Variants in CADPS2 observed in about 807,000 individuals in gnomAD.
The protein encoded by CADPS2 is calcium dependent secretion activator 2.
CADPS2 carries 93 observed loss-of-function variants against 172.5 expected under a neutral mutation model. The ratio of observed to expected loss-of-function variants is 0.54; its 90% CI spans 0.46 to 0.64. The LOEUF (loss-of-function observed/expected upper bound fraction) is 0.64, where lower values mean the gene tolerates loss of function less well. CADPS2 is among the 30% of genes least tolerant of loss of function. The pLI is 0.00. For missense variants in CADPS2, 1,420 were observed against 1,565.9 expected (o/e 0.91, Z 1.57); for synonymous variants, 546 against 555.2 (o/e 0.98, Z 0.23).
At chr7:122,660,607 A>G (rs1212497450) in intron 3 of CADPS2, among the ~76,000 whole-genome samples, 48 of 17,564 alleles carry the variant, frequency 2.7e-3, no homozygotes, top group South Asian at 8.4e-3. Flanking sequence ...GTCTGGATTT[A>G]AAAAAAAAAA....
chr7:122,645,975 A>G (rs1016120648), intron 3 of CADPS2, among the ~76,000 whole-genome samples: 2 of 151,872 alleles, frequency 1.3e-5, no homozygotes, highest in Non-Finnish European at 2.9e-5. Flanking sequence ...TCTCAATAAA[A>G]TAGTTGAATC....
At chr7:122,515,806 T>A (rs2060318369) in intron 8 of CADPS2, among the ~76,000 whole-genome samples, 2 of 150,212 alleles carry the variant, frequency 1.3e-5, no homozygotes, top group Admixed American at 1.3e-4. Flanking sequence ...ACCCTAAAAC[T>A]TAAAAGTATA....
At chr7:122,437,616 A>G (rs1345728317) in intron 17 of CADPS2, among the ~76,000 whole-genome samples, 1 of 152,048 alleles carries the variant, frequency 6.6e-6, no homozygotes, top group Admixed American at 6.6e-5. Flanking sequence ...TCCTGCATGT[A>G]TTATTATGAA....
intron 2 of CADPS2, among the ~76,000 whole-genome samples, chr7:122,703,390 C>G (rs537829732): frequency 6.6e-6 from 1 of 152,106 alleles, no homozygotes; most frequent in African/African-American, 2.4e-5. Flanking sequence ...TCAACACTAC[C>G]CAGTATGGCA....
chr7:122,321,007 GA>G (rs1192750393), intron 29 of CADPS2, among the ~76,000 whole-genome samples: 3 of 152,116 alleles, frequency 2.0e-5, no homozygotes, highest in Non-Finnish European at 4.4e-5. Context: ...TTTCTTAAAA[GA>G]ATACATTAAA....
intron 2 of CADPS2, among the ~76,000 whole-genome samples, chr7:122,707,954 ATTTT>A (rs974242375): frequency 2.0e-5 from 3 of 151,724 alleles, no homozygotes; most frequent in East Asian, 3.9e-4. Flanking sequence ...CTATATATAT[ATTTT>A]AAGTAAATTT....
chr7:122,366,664 CATACATATATATATAT>C (rs2040919448), intron 25 of CADPS2: 3 of 122,934 alleles, frequency 2.4e-5, no homozygotes, highest in Non-Finnish European at 5.1e-5. Context: ...TACATACACA[CATACATATATATATAT>C]ATACGTATAT....
intron 25 of CADPS2, among the ~76,000 whole-genome samples, chr7:122,375,808 A>G (rs2042270040): frequency 6.6e-6 from 1 of 152,068 alleles, no homozygotes; most frequent in Non-Finnish European, 1.5e-5. Flanking sequence ...GAAACAATCA[A>G]CATAATGAAA....
intron 1 of CADPS2, among the ~76,000 whole-genome samples, chr7:122,770,627 T>C (rs2093680835): frequency 7.0e-6 from 1 of 143,822 alleles, no homozygotes; most frequent in Non-Finnish European, 1.5e-5. Context: ...CTCTTCAAAT[T>C]AGTGCCCAGT....
At chr7:122,767,270 A>T (rs1589080614) in intron 1 of CADPS2, among the ~76,000 whole-genome samples, 1 of 152,190 alleles carries the variant, frequency 6.6e-6, no homozygotes, top group East Asian at 1.9e-4. Context: ...TCCTCATCTC[A>T]TCTTTACAAC....
In CADPS2 at chr7:122,387,165, G is replaced by GTTC. The variant is rs2043795450; in HGVS notation, c.3170_3172dup (p.Arg1057dup). ...CTTTTGTAGCTTGAGTTCAAATGCA[G>GTTC]TTCTTGTTCTAGTTTTTAAAACATG... On this transcript the variant is annotated inframe_insertion, in exon 24 of 30. Transcript: ENST00000449022. The GTTC allele has an allele frequency of 6.3e-7, 1 of 1,577,912 alleles. No individual in the cohort carries two copies. The highest frequency in any genetic ancestry group is 2.3e-5 in the East Asian group (1 of 43,680).
chr7:122,365,481 C>A (rs773482340), intron 25 of CADPS2, among the ~76,000 whole-genome samples: 2 of 152,194 alleles, frequency 1.3e-5, no homozygotes, highest in African/African-American at 4.8e-5. Context: ...ATACCTTCCA[C>A]CTGGCTTTTA....
At chr7:122,663,632 C>A (rs575729600) in intron 2 of CADPS2, 63 bp from the exon 3 acceptor site, 2 of 1,239,886 alleles carry the variant, frequency 1.6e-6, no homozygotes, top group Middle Eastern at 1.9e-4. Context: ...GATGCTAACA[C>A]CACTTGCTTT....
In CADPS2 at chr7:122,513,231, C is replaced by A; in HGVS notation, c.1542+18G>T. On this transcript the variant is annotated intron_variant, in intron 9 of 29. Coordinates refer to ENST00000449022, the MANE Select transcript of CADPS2 (RefSeq NM_017954.11). ...CTGCTATCTTAGAGTGATTATTTAA[C>A]AGGAAAAAATGACTAACCTGAACTA... 6.5e-7 allele frequency: 1 copy of A among 1,532,054 alleles called. No individual in the cohort carries two copies. Among genetic ancestry groups the A allele is most frequent in the Non-Finnish European group, 8.9e-7 (1 of 1,127,642 alleles). The allele number at this position is 1,532,054 out of a possible 1,614,324, so 94.9% of individuals were successfully genotyped here.
chr7:122,384,071 G>A lies in CADPS2; in HGVS notation c.3312+2955C>T, dbSNP rs76470884. On this transcript the variant is annotated intron_variant, in intron 24 of 29. Coordinates refer to ENST00000449022, the MANE Select transcript of CADPS2 (RefSeq NM_017954.11). The stretch of plus-strand genomic sequence containing the variant: ...ATTCTAAACACTGAGGTGGCTTTGT[G>A]ATCTCGACATCTGTCCCTGAGGGAC... 6.9e-3 allele frequency among the ~76,000 whole-genome samples: 1,054 copies of A among 152,186 alleles called. 12 individuals carry two copies. The highest frequency in any genetic ancestry group is 0.024 in the African/African-American group (1,017 of 41,542).
At chr7:122,855,760 T>C (rs984034084) in intron 1 of CADPS2, among the ~76,000 whole-genome samples, 1 of 152,146 alleles carries the variant, frequency 6.6e-6, no homozygotes, top group Non-Finnish European at 1.5e-5. Flanking sequence ...TCTTTTAAAT[T>C]CTAGGCACTA....
At chr7:122,848,755 G>C (rs549126752) in intron 1 of CADPS2, among the ~76,000 whole-genome samples, 1 of 152,080 alleles carries the variant, frequency 6.6e-6, no homozygotes, top group Admixed American at 6.6e-5. Flanking sequence ...ATGCCATGAC[G>C]TCTCTGACTT....
chr7:122,370,035 C>T (rs2041564128), intron 25 of CADPS2, among the ~76,000 whole-genome samples: 1 of 152,078 alleles, frequency 6.6e-6, no homozygotes, highest in Non-Finnish European at 1.5e-5. Flanking sequence ...TGCTCCAGGC[C>T]CTGGTTTCTG....
chr7:122,810,135 T>C (rs112250758), intron 1 of CADPS2, among the ~76,000 whole-genome samples: 1 of 152,208 alleles, frequency 6.6e-6, no homozygotes, highest in Non-Finnish European at 1.5e-5. Flanking sequence ...TCCTTGAAAC[T>C]AGGTTTGGAA....
Sources: allele counts gnomAD v4.1 joint callset (sites outside exome capture counted in the v4.1 genomes callset), GRCh38; gene constraint gnomAD v4.1.1; transcripts MANE v1.5; gene names NCBI Gene and HGNC (gene_info 2026-07-23, HGNC 2026-07-21).